Variants in DNAJC10 observed in about 807,000 individuals in gnomAD.
DNAJC10 encodes the protein endoplasmic reticulum disulfide reductase DNAJC10.
In DNAJC10, 101 loss-of-function variants were observed where a neutral mutation model predicts 115.0. The ratio of observed to expected loss-of-function variants is 0.88; its 90% CI spans 0.75 to 1.04. The LOEUF (loss-of-function observed/expected upper bound fraction) is 1.04, where lower values mean the gene tolerates loss of function less well. DNAJC10 is among the 50% of genes least tolerant of loss of function. The pLI is 0.00. For missense variants in DNAJC10, 981 were observed against 928.8 expected, an observed-to-expected ratio of 1.06 and a Z score of -0.73; for synonymous variants, 307 against 301.5, an observed-to-expected ratio of 1.02 and a Z score of -0.19.
At chr2:182,761,798 A>G (rs1694292079) in intron 21 of DNAJC10, among the ~76,000 whole-genome samples, 1 of 152,102 alleles carries the variant, frequency 6.6e-6, no homozygotes, top group African/African-American at 2.4e-5. Flanking sequence ...ATAGATATGT[A>G]AAACCACCTT....
At position 182,759,175 on chromosome 2, in the gene DNAJC10, A is replaced by T. The variant is rs780756409; in HGVS notation, c.2013A>T (p.Val671=). 1 of 1,582,974 alleles carries T rather than the reference A, an allele frequency of 6.3e-7. No individual in the cohort carries two copies. Among genetic ancestry groups the T allele is most frequent in the Admixed American group, 2.0e-5 (1 of 48,824 alleles). The change falls in exon 21 of 24, where the codon GTA becomes GTT. Residue 671 remains valine, a synonymous_variant. Transcript: ENST00000264065. ...RIWGLGFLPQ[V]STDLTPQTFS... is the part of the protein sequence containing the mutation. ...TTTGCCACAGATTTTTACCTCAAGT[A>T]TCCACAGATCTAACACCTCAGACTT...
intron 23 of DNAJC10, 104 bp downstream of exon 23, chr2:182,775,524 T>A: frequency 1.6e-6 from 1 of 612,006 alleles, no homozygotes; most frequent in Non-Finnish European, 2.9e-6. Context: ...AAATGAGGCA[T>A]CAAAAAATAG....
rs536936211 is a variant in DNAJC10 at position 182,783,561 on chromosome 2, T to G, written c.*6429T>G. The G allele has an allele frequency of 8.2e-4, 125 of 152,288 alleles. No individual in the cohort carries two copies. The highest frequency in any genetic ancestry group is 2.9e-3 in the African/African-American group (119 of 41,558). The allele number at this position is 152,288 out of a possible 1,614,324, so 9.4% of individuals were successfully genotyped here. ...ATCTTCCCTTTCTTATCATGAAAAT[T>G]ATGAAGATGAGGTAAAGTCTGTTCC... On this transcript the variant is annotated 3_prime_UTR_variant, in exon 24 of 24. Coordinates refer to ENST00000264065, the MANE Select transcript of DNAJC10 (RefSeq NM_018981.4).
chr2:182,740,482 T>C, intron 12 of DNAJC10, 94 bp downstream of exon 12: 1 of 1,198,402 alleles, frequency 8.3e-7, no homozygotes, highest in Non-Finnish European at 1.1e-6. Context: ...TATTCATCTC[T>C]AGAGAGAATT....
At chr2:182,754,959 G>C in intron 16 of DNAJC10, 44 bp from the exon 17 acceptor site, 1 of 1,408,486 alleles carries the variant, frequency 7.1e-7, no homozygotes, top group Non-Finnish European at 1.0e-6. Context: ...TAACAAATAG[G>C]TGAAATCTAT....
intron 10 of DNAJC10, among the ~76,000 whole-genome samples, chr2:182,733,151 C>G (rs1252819195): frequency 6.6e-6 from 1 of 151,960 alleles, no homozygotes. Flanking sequence ...ATTAAAATCT[C>G]TACCATCCAT....
chr2:182,755,645 AG>A (rs1694139512), intron 17 of DNAJC10, among the ~76,000 whole-genome samples: 1 of 152,168 alleles, frequency 6.6e-6, no homozygotes. Context: ...TGACTGTTGT[AG>A]GCTGAAGCTT....
chr2:182,743,545 A>C, intron 13 of DNAJC10, 53 bp from the exon 14 acceptor site: 1 of 1,326,482 alleles, frequency 7.5e-7, no homozygotes, highest in South Asian at 1.2e-5. Context: ...AATATTTACA[A>C]ATCAAATGGG....
intron 1 of DNAJC10, among the ~76,000 whole-genome samples, chr2:182,716,772 C>T (rs1693003980): frequency 6.6e-6 from 1 of 152,136 alleles, no homozygotes; most frequent in African/African-American, 2.4e-5. Context: ...CATCTTTACC[C>T]CTCTCCCCTC....
At position 182,791,975 on chromosome 2, in the gene DNAJC10, G is replaced by A. The variant is rs987119151; in HGVS notation, c.*14843G>A. The A allele has an allele frequency of 2.0e-5, 3 of 152,124 alleles. No individual in the cohort carries two copies. Among genetic ancestry groups the A allele is most frequent in the Admixed American group, 1.3e-4 (2 of 15,262 alleles). 9.4% of individuals were successfully genotyped at this position (152,124 alleles called of 1,614,324 possible). A position where few individuals can be genotyped will look rare whatever the true frequency, so the allele number is the denominator to read the frequency against. On this transcript the variant is annotated 3_prime_UTR_variant, in exon 24 of 24. Coordinates refer to ENST00000264065, the MANE Select transcript of DNAJC10 (RefSeq NM_018981.4). ...ACTCTAAACAATGCAATAATCTAGA[G>A]AATCAGAGAATTGGATCCTGAAACA...
chr2:182,716,810 A>C (rs1693005234), intron 1 of DNAJC10, among the ~76,000 whole-genome samples: 2 of 152,166 alleles, frequency 1.3e-5, no homozygotes, highest in Non-Finnish European at 2.9e-5. Flanking sequence ...GGCAATGCGA[A>C]AGCTTGCGCC....
At chr2:182,739,556 A>G in intron 11 of DNAJC10, 1 of 1,222,726 alleles carries the variant, frequency 8.2e-7, no homozygotes, top group South Asian at 1.5e-5. Flanking sequence ...TGCTTCATTG[A>G]GAGAATCAGA....
intron 16 of DNAJC10, chr2:182,754,715 G>A (rs187835057): frequency 9.1e-7 from 1 of 1,102,918 alleles, no homozygotes; most frequent in African/African-American, 1.6e-5. Context: ...GAGTAAAAAG[G>A]GACCATTCGT....
chr2:182,769,395 C>T (rs1379962980), intron 22 of DNAJC10, among the ~76,000 whole-genome samples: 3 of 152,116 alleles, frequency 2.0e-5, no homozygotes, highest in Non-Finnish European at 4.4e-5. Flanking sequence ...CTTGAGGAAT[C>T]GCCACACTGT....
rs2105596530 is a variant in DNAJC10, at chr2:182,717,046, T to C, written c.-173T>C. The C allele has an allele frequency of 6.6e-6, 1 of 152,362 alleles. No individual in the cohort carries two copies. Among genetic ancestry groups the C allele is most frequent in the South Asian group, 2.1e-4 (1 of 4,832 alleles). The allele number at this position is 152,362 out of a possible 1,614,324, so 9.4% of individuals were successfully genotyped here. A position where few individuals can be genotyped will look rare whatever the true frequency, so the allele number is the denominator to read the frequency against. On this transcript the variant is annotated 5_prime_UTR_variant, in exon 2 of 24. The change abolishes the stop of an existing upstream ORF in the 5' untranslated region. Coordinates refer to ENST00000264065, the MANE Select transcript of DNAJC10 (RefSeq NM_018981.4). The stretch of plus-strand genomic sequence containing the variant: ...TTTTTGTGGAATGAAAAGGAAGTAT[T>C]AGAAATGAGCTGAAGACCATTCACA...
intron 22 of DNAJC10, 26 bp from the exon 23 acceptor site, chr2:182,775,290 A>G (rs745810572): frequency 1.5e-6 from 2 of 1,373,294 alleles, no homozygotes; most frequent in Non-Finnish European, 2.1e-6. Context: ...AAATACTTAA[A>G]AGATAACAAG....
intron 10 of DNAJC10, among the ~76,000 whole-genome samples, chr2:182,734,772 G>C (rs895159066): frequency 1.3e-5 from 2 of 151,632 alleles, no homozygotes; most frequent in Non-Finnish European, 3.0e-5. Context: ...AGAATTGTAT[G>C]TTTTCTTGGT....
At position 182,787,119 on chromosome 2, in the gene DNAJC10, T is replaced by C. The variant is rs536788311; in HGVS notation, c.*9987T>C. 5.2e-5 allele frequency: 8 copies of C among 152,398 alleles called. No individual in the cohort carries two copies. In the East Asian group the frequency reaches 5.8e-4, roughly 11 times the overall value. 9.4% of individuals were successfully genotyped at this position (152,398 alleles called of 1,614,324 possible). On this transcript the variant is annotated 3_prime_UTR_variant, in exon 24 of 24. Coordinates refer to ENST00000264065, the MANE Select transcript of DNAJC10 (RefSeq NM_018981.4). ...TTAAGCCAGCCAGTTCATTTTGTTA[T>C]AGCAGCCTGGACAGACAATATATTG...
chr2:182,723,857 A>C (rs957168964), intron 5 of DNAJC10, among the ~76,000 whole-genome samples: 5 of 152,226 alleles, frequency 3.3e-5, no homozygotes, highest in African/African-American at 1.2e-4. Flanking sequence ...TGGTAGTTCA[A>C]GATAAATTGC....
Sources: gnomAD v4.1 joint callset for allele counts (sites outside exome capture counted in the v4.1 genomes callset) on GRCh38, gnomAD v4.1.1 for gene constraint, MANE v1.5 for transcripts, NCBI Gene and HGNC (gene_info 2026-07-23, HGNC 2026-07-21) for gene names.